The following CNTNAP2 variants were observed in gnomAD, a reference collection of about 807,000 sequenced individuals.
The protein encoded by CNTNAP2 is contactin-associated protein-like 2.
In CNTNAP2, 98 loss-of-function variants were observed where a neutral mutation model predicts 155.2. That is an observed-to-expected ratio of 0.63 (90% CI 0.54 to 0.75). CNTNAP2 has a LOEUF of 0.75. Ranked by LOEUF, CNTNAP2 falls within the 30% of genes least tolerant of loss-of-function variation. The pLI is 0.00. For missense variants in CNTNAP2, 1,727 were observed against 1,688.1 expected, an observed-to-expected ratio of 1.02 and a Z score of -0.40; for synonymous variants, 651 against 631.2, an observed-to-expected ratio of 1.03 and a Z score of -0.47.
At chr7:146,143,172 C>G (rs1259377947) in intron 1 of CNTNAP2, among the ~76,000 whole-genome samples, 5 of 152,170 alleles carry the variant, frequency 3.3e-5, no homozygotes, top group Non-Finnish European at 7.3e-5. Context: ...AGAATGACTT[C>G]ATTGCTGTTT....
chr7:146,840,694 A>T (rs1192707968), intron 3 of CNTNAP2, among the ~76,000 whole-genome samples: 1 of 152,154 alleles, frequency 6.6e-6, no homozygotes, highest in East Asian at 1.9e-4. Flanking sequence ...TGTCCTTCAC[A>T]GTATTAGTTG....
intron 13 of CNTNAP2, among the ~76,000 whole-genome samples, chr7:147,712,462 C>T (rs1382846576): frequency 2.0e-5 from 3 of 152,140 alleles, no homozygotes; most frequent in African/African-American, 7.2e-5. Flanking sequence ...TTTATTGCGG[C>T]ACTATTCACA....
At chr7:147,823,015 A>C (rs1798386675) in intron 13 of CNTNAP2, among the ~76,000 whole-genome samples, 2 of 152,236 alleles carry the variant, frequency 1.3e-5, no homozygotes, top group African/African-American at 4.8e-5. Flanking sequence ...ATTCTGGATA[A>C]TAAAGCTTGC....
At chr7:147,185,817 TG>T (rs542042416) in intron 8 of CNTNAP2, among the ~76,000 whole-genome samples, 11 of 152,246 alleles carry the variant, frequency 7.2e-5, no homozygotes, top group African/African-American at 2.4e-4. Flanking sequence ...AATTGAATCA[TG>T]GGGACAGGTT....
intron 1 of CNTNAP2, among the ~76,000 whole-genome samples, chr7:146,213,751 C>A (rs1799071852): frequency 6.6e-6 from 1 of 152,120 alleles, no homozygotes; most frequent in Non-Finnish European, 1.5e-5. Context: ...ACCTCATAAT[C>A]TTTGTGTTTC....
At position 148,277,808 on chromosome 7, in the gene CNTNAP2, A is replaced by AAGAAAAAG. The variant is rs1463283736; in HGVS notation, c.3475+10684_3475+10685insAAAAAGAG. Among the ~76,000 whole-genome samples the AAGAAAAAG allele has an allele frequency of 4.5e-4, 67 of 150,516 alleles. No individual in the cohort carries two copies. In the South Asian group the frequency reaches 4.8e-3, roughly 11 times the overall value. Reference sequence around the variant, plus strand: ...GAAAGAAAAAAGAAAAAAAGAAAAAAAGCTTTGCTTTTACTTCCTACAAAA... The same window carrying AAGAAAAAG: ...GAAAGAAAAAAGAAAAAAAGAAAAAAAGAAAAAGAGCTTTGCTTTTACTTCCTACAAAA... On this transcript the variant is annotated intron_variant, in intron 21 of 23. Transcript: ENST00000361727.
chr7:147,649,377 T>A (rs1795415935), intron 13 of CNTNAP2, among the ~76,000 whole-genome samples: 2 of 152,288 alleles, frequency 1.3e-5, no homozygotes, highest in South Asian at 2.1e-4. Context: ...TATAGAATAA[T>A]CATAAAGCAA....
chr7:147,650,032 A>G (rs1795426388), intron 13 of CNTNAP2, among the ~76,000 whole-genome samples: 1 of 152,178 alleles, frequency 6.6e-6, no homozygotes, highest in African/African-American at 2.4e-5. Context: ...ACAAAACTGG[A>G]ATGAAGTTAA....
At chr7:148,328,607 A>T (rs1016604608) in intron 21 of CNTNAP2, among the ~76,000 whole-genome samples, 1 of 152,064 alleles carries the variant, frequency 6.6e-6, no homozygotes, top group Non-Finnish European at 1.5e-5. Context: ...CCACCCTCAA[A>T]TCAGGGCTGG....
chr7:146,481,151 T>G (rs1471842063), intron 1 of CNTNAP2, among the ~76,000 whole-genome samples: 1 of 152,182 alleles, frequency 6.6e-6, no homozygotes, highest in Non-Finnish European at 1.5e-5. Context: ...TTAATACTCT[T>G]GCAACGTAAA....
chr7:146,974,296 G>C (rs1400612442), intron 3 of CNTNAP2, among the ~76,000 whole-genome samples: 2 of 151,506 alleles, frequency 1.3e-5, no homozygotes, highest in African/African-American at 4.9e-5. Context: ...AAATTAGCCA[G>C]GTGTGGTGGA....
intron 1 of CNTNAP2, among the ~76,000 whole-genome samples, chr7:146,547,349 T>C (rs2129142056): frequency 6.6e-6 from 1 of 152,126 alleles, no homozygotes; most frequent in East Asian, 1.9e-4. Flanking sequence ...GATTTTATTT[T>C]ATTGTGGTAA....
chr7:146,849,577 T>C (rs1794833855), intron 3 of CNTNAP2, among the ~76,000 whole-genome samples: 1 of 152,210 alleles, frequency 6.6e-6, no homozygotes, highest in South Asian at 2.1e-4. Flanking sequence ...TATTTAACTA[T>C]GTTAATCAAC....
chr7:146,246,986 C>T (rs574119258), intron 1 of CNTNAP2, among the ~76,000 whole-genome samples: 18 of 152,238 alleles, frequency 1.2e-4, no homozygotes, highest in Non-Finnish European at 2.5e-4. Flanking sequence ...TTATTGTACA[C>T]GTTGAAGGCG....
intron 1 of CNTNAP2, among the ~76,000 whole-genome samples, chr7:146,566,184 A>G (rs1466944170): frequency 1.3e-5 from 2 of 152,238 alleles, no homozygotes; most frequent in Admixed American, 1.3e-4. Context: ...GTCTTCCTTA[A>G]GATAGCATCG....
intron 14 of CNTNAP2, among the ~76,000 whole-genome samples, chr7:147,961,506 C>T (rs1167351055): frequency 6.6e-6 from 1 of 152,186 alleles, no homozygotes; most frequent in Admixed American, 6.6e-5. Flanking sequence ...ACTAATACCA[C>T]TGTTCACCTT....
chr7:147,273,972 T>G lies in CNTNAP2; in HGVS notation c.1349-26169T>G, dbSNP rs1210117384. 3.4e-5 allele frequency among the ~76,000 whole-genome samples: 5 copies of G among 148,262 alleles called. No homozygotes were observed. In the Admixed American group the frequency reaches 3.4e-4, roughly 10 times the overall value. On this transcript the variant is annotated intron_variant, in intron 8 of 23. Transcript: ENST00000361727. ...ATGTAATATATTACATAACATATAT[T>G]ACATGTATGTTATGTAGTATATATT... is the stretch of plus-strand genomic sequence containing the variant.
chr7:146,574,702 A>AAAAC (rs1179844646), intron 1 of CNTNAP2, among the ~76,000 whole-genome samples: 1 of 152,184 alleles, frequency 6.6e-6, no homozygotes, highest in Non-Finnish European at 1.5e-5. Flanking sequence ...TCCATCTCAA[A>AAAAC]AAACAAACAA....
chr7:146,994,268 T>C (rs933643912), intron 3 of CNTNAP2, among the ~76,000 whole-genome samples: 2 of 152,136 alleles, frequency 1.3e-5, no homozygotes, highest in African/African-American at 2.4e-5. Context: ...AATCTTACCA[T>C]CAGAGTTTTT....
Sources: gnomAD v4.1 joint callset for allele counts (sites outside exome capture counted in the v4.1 genomes callset) on GRCh38, gnomAD v4.1.1 for gene constraint, MANE v1.5 for transcripts, NCBI Gene and HGNC (gene_info 2026-07-23, HGNC 2026-07-21) for gene names.